The following RBFOX1 variants were observed in gnomAD, a reference collection of about 807,000 sequenced individuals.
RBFOX1 encodes the protein RNA binding protein fox-1 homolog 1.
RBFOX1 carries 8 observed loss-of-function variants against 57.7 expected under a neutral mutation model. That is an observed-to-expected ratio of 0.14 (90% CI 0.08 to 0.25). The LOEUF (loss-of-function observed/expected upper bound fraction) is 0.25, where lower values mean the gene tolerates loss of function less well. Ranked by LOEUF, RBFOX1 falls within the 10% of genes least tolerant of loss-of-function variation. RBFOX1 has a pLI of 1.00. For missense variants in RBFOX1, 611 were observed against 548.5 expected (o/e 1.11, Z -1.14); for synonymous variants, 326 against 222.4 (o/e 1.47, Z -4.15).
At chr16:5,860,630 A>C (rs2057189167) in intron 3 of RBFOX1, among the ~76,000 whole-genome samples, 1 of 152,214 alleles carries the variant, frequency 6.6e-6, no homozygotes, top group Non-Finnish European at 1.5e-5. Flanking sequence ...GTTCCAAAAT[A>C]GTGAGGTCCA....
chr16:6,583,386 T>G (rs1454071169), intron 2 of RBFOX1, among the ~76,000 whole-genome samples: 1 of 152,198 alleles, frequency 6.6e-6, no homozygotes, highest in Non-Finnish European at 1.5e-5. Context: ...AGAGGAATGA[T>G]ACCAGCCAAT....
chr16:7,101,059 A>G (rs539153873), intron 4 of RBFOX1, among the ~76,000 whole-genome samples: 2 of 152,222 alleles, frequency 1.3e-5, no homozygotes, highest in Non-Finnish European at 2.9e-5. Context: ...ACACTAAAAC[A>G]TCTCTCAAGT....
intron 2 of RBFOX1, among the ~76,000 whole-genome samples, chr16:5,471,783 G>T (rs76074460): frequency 6.6e-6 from 1 of 152,158 alleles, no homozygotes; most frequent in Non-Finnish European, 1.5e-5. Flanking sequence ...CCTTGGCAGC[G>T]GTATATTTCT....
rs749751319 is a variant in RBFOX1, at chr16:7,709,119, C to T, written c.1059C>T (p.Gly353=). The T allele has an allele frequency of 1.6e-5, 26 of 1,612,962 alleles. No individual in the cohort carries two copies. The highest frequency in any genetic ancestry group is 4.5e-5 in the East Asian group (2 of 44,842). Reference sequence around the variant, plus strand: ...CACTTGCTCCAGCCCCCACCTACGGCGTTGGTGCCATGGTGAGTACAAGTT... The same window carrying T: ...CACTTGCTCCAGCCCCCACCTACGGTGTTGGTGCCATGGTGAGTACAAGTT... The part of the protein sequence containing the change: ...HHALAPAPTY[G]VGAMNAFAPL... The change falls in exon 15 of 16, where the codon GGC becomes GGT. Residue 353 remains glycine, a synonymous_variant. Transcript: ENST00000550418.
intron 3 of RBFOX1, among the ~76,000 whole-genome samples, chr16:6,817,722 A>C (rs988360863): frequency 6.6e-6 from 1 of 151,674 alleles, no homozygotes; most frequent in African/African-American, 2.4e-5. Flanking sequence ...AAAAACAAAC[A>C]AAAAAAACTA....
rs115575153 is a variant in RBFOX1, at chr16:6,750,942, C to A, written c.-16+96292C>A. 7.5e-3 allele frequency among the ~76,000 whole-genome samples: 1,143 copies of A among 152,172 alleles called. 13 individuals carry two copies. The highest frequency in any genetic ancestry group is 0.025 in the African/African-American group (1,028 of 41,508). On this transcript the variant is annotated intron_variant, in intron 3 of 15. Coordinates refer to ENST00000550418, the MANE Select transcript of RBFOX1 (RefSeq NM_018723.4). ...TAGGGAAGTGCTCTTGGAGAAGAAC[C>A]CATTTAAGCAGAGGTCTGAGTGATA...
chr16:7,263,429 G>T (rs1328994321), intron 4 of RBFOX1, among the ~76,000 whole-genome samples: 1 of 152,134 alleles, frequency 6.6e-6, no homozygotes, highest in Non-Finnish European at 1.5e-5. Context: ...GCTCCTTGGA[G>T]AGTTTTAACT....
chr16:5,663,108 C>G (rs371914174), intron 3 of RBFOX1, among the ~76,000 whole-genome samples: 22 of 152,288 alleles, frequency 1.4e-4, no homozygotes, highest in African/African-American at 4.8e-4. Context: ...GCCAGGGATA[C>G]TGCTAAACAC....
At chr16:6,355,328 C>T (rs1279351511) in intron 2 of RBFOX1, among the ~76,000 whole-genome samples, 1 of 152,014 alleles carries the variant, frequency 6.6e-6, no homozygotes, top group African/African-American at 2.4e-5. Flanking sequence ...TGTTCCCCTC[C>T]CTATATCCAT....
chr16:6,283,374 C>A (rs986031955), intron 1 of RBFOX1, among the ~76,000 whole-genome samples: 2 of 152,074 alleles, frequency 1.3e-5, no homozygotes, highest in Non-Finnish European at 2.9e-5. Context: ...TTAAGCCTAG[C>A]CATTCTTTCC....
At chr16:7,416,743 C>T (rs1268085135) in intron 4 of RBFOX1, among the ~76,000 whole-genome samples, 5 of 151,532 alleles carry the variant, frequency 3.3e-5, no homozygotes, top group African/African-American at 9.7e-5. Flanking sequence ...TTTTTCTTTC[C>T]ACATATATGT....
chr16:5,780,074 G>C (rs1399688684), intron 3 of RBFOX1, among the ~76,000 whole-genome samples: 1 of 152,180 alleles, frequency 6.6e-6, no homozygotes, highest in African/African-American at 2.4e-5. Flanking sequence ...CACAATCTCG[G>C]CTCACTGAAC....
At chr16:6,938,722 A>G (rs141128379) in intron 3 of RBFOX1, among the ~76,000 whole-genome samples, 1 of 152,154 alleles carries the variant, frequency 6.6e-6, no homozygotes, top group Non-Finnish European at 1.5e-5. Flanking sequence ...ACTTGAGATC[A>G]GAAGTTTGAA....
chr16:6,585,157 C>T (rs1351994215), intron 2 of RBFOX1, among the ~76,000 whole-genome samples: 2 of 152,138 alleles, frequency 1.3e-5, no homozygotes, highest in Non-Finnish European at 2.9e-5. Flanking sequence ...AAAAATTATT[C>T]CAAGGCAGTG....
chr16:7,136,275 A>G (rs1408018038), intron 4 of RBFOX1, among the ~76,000 whole-genome samples: 1 of 152,172 alleles, frequency 6.6e-6, no homozygotes, highest in African/African-American at 2.4e-5. Context: ...TTAAAGTTTA[A>G]TGAAATCAAC....
chr16:6,993,921 C>T (rs1031343782), intron 3 of RBFOX1, among the ~76,000 whole-genome samples: 1 of 152,088 alleles, frequency 6.6e-6, no homozygotes, highest in Non-Finnish European at 1.5e-5. Flanking sequence ...TTGATTGTAG[C>T]CAATAAGTGC....
chr16:5,875,951 C>G (rs906678359), intron 4 of RBFOX1, among the ~76,000 whole-genome samples: 2 of 151,604 alleles, frequency 1.3e-5, no homozygotes, highest in African/African-American at 4.8e-5. Context: ...TCATGTCATT[C>G]TCCTGCCTCA....
intron 3 of RBFOX1, among the ~76,000 whole-genome samples, chr16:6,923,022 G>C (rs947466747): frequency 6.6e-6 from 1 of 152,304 alleles, no homozygotes; most frequent in East Asian, 1.9e-4. Flanking sequence ...CAGTGTATAA[G>C]CAAACCATAG....
intron 3 of RBFOX1, among the ~76,000 whole-genome samples, chr16:5,696,967 C>T (rs968872546): frequency 1.3e-5 from 2 of 152,062 alleles, no homozygotes; most frequent in African/African-American, 4.8e-5. Flanking sequence ...GGCTGGAGTA[C>T]AGTGGCACAG....
Sources: allele counts gnomAD v4.1 joint callset (sites outside exome capture counted in the v4.1 genomes callset), GRCh38; gene constraint gnomAD v4.1.1; transcripts MANE v1.5; gene names NCBI Gene and HGNC (gene_info 2026-07-23, HGNC 2026-07-21).